RFX3: variants seen among roughly 807,000 people sequenced by gnomAD.
RFX3 encodes the protein regulatory factor X3.
RFX3 carries 14 observed loss-of-function variants against 98.6 expected under a neutral mutation model. That is an observed-to-expected ratio of 0.14 (90% CI 0.09 to 0.22). The LOEUF is 0.22. Among genes scored for constraint, RFX3 ranks in the 10% least tolerant of loss-of-function variants. The pLI is 1.00. For synonymous variants in RFX3, 383 were observed against 328.4 expected (o/e 1.17, Z -1.80); for missense variants, 639 against 926.9 (o/e 0.69, Z 4.03).
At chr9:3,373,734 G>C (rs1838112641) in intron 2 of RFX3, among the ~76,000 whole-genome samples, 1 of 152,060 alleles carries the variant, frequency 6.6e-6, no homozygotes, top group Non-Finnish European at 1.5e-5. Context: ...AGGAGGAGGA[G>C]AAGGCGAAAG....
Position 3,453,142 on chromosome 9 carries a change from T to C in RFX3, c.-8-57546A>G, listed in dbSNP as rs188168913. 2.0e-5 allele frequency among the ~76,000 whole-genome samples: 3 copies of C among 152,156 alleles called. No individual in the cohort carries two copies. In the East Asian group the frequency reaches 5.8e-4, roughly 30 times the overall value. ...ATTTCTTAGCCTAGTGACAGGCCCA[T>C]CTATTATGGTCATTATCAGTATAAA... On this transcript the variant is annotated intron_variant, in intron 1 of 16. Transcript: ENST00000617270.
intron 1 of RFX3, among the ~76,000 whole-genome samples, chr9:3,504,952 A>T (rs1165862554): frequency 1.4e-5 from 1 of 69,608 alleles, no homozygotes; most frequent in Non-Finnish European, 2.2e-5. Flanking sequence ...ATAATATAAT[A>T]TATATTATAT....
chr9:3,391,313 A>C (rs1006101477), intron 2 of RFX3, among the ~76,000 whole-genome samples: 1 of 152,116 alleles, frequency 6.6e-6, no homozygotes, highest in African/African-American at 2.4e-5. Flanking sequence ...CAAACATGAC[A>C]CTATTCTACT....
At chr9:3,500,644 A>T (rs1815897848) in intron 1 of RFX3, among the ~76,000 whole-genome samples, 1 of 152,198 alleles carries the variant, frequency 6.6e-6, no homozygotes, top group African/African-American at 2.4e-5. Flanking sequence ...CATAGGGCCT[A>T]ATGTATGAAA....
intron 1 of RFX3, among the ~76,000 whole-genome samples, chr9:3,501,393 C>A (rs1045266496): frequency 6.6e-6 from 1 of 151,416 alleles, no homozygotes; most frequent in Non-Finnish European, 1.5e-5. Flanking sequence ...CATGTATTAC[C>A]AAGTATAAAA....
At chr9:3,444,033 C>A (rs1016715839) in intron 1 of RFX3, among the ~76,000 whole-genome samples, 17 of 152,286 alleles carry the variant, frequency 1.1e-4, no homozygotes, top group African/African-American at 3.6e-4. Flanking sequence ...AATTGAAATA[C>A]ATACCTACCA....
At chr9:3,472,165 T>C (rs1007762029) in intron 1 of RFX3, among the ~76,000 whole-genome samples, 7 of 152,230 alleles carry the variant, frequency 4.6e-5, no homozygotes, top group African/African-American at 1.7e-4. Context: ...AGTTATTGAA[T>C]GTTATCTCTG....
At chr9:3,475,779 G>C (rs546529500) in intron 1 of RFX3, among the ~76,000 whole-genome samples, 9 of 152,326 alleles carry the variant, frequency 5.9e-5, no homozygotes, top group Admixed American at 2.6e-4. Context: ...CCAGATAACT[G>C]TGGGCAGGCT....
intron 2 of RFX3, among the ~76,000 whole-genome samples, chr9:3,383,906 A>C (rs1839444561): frequency 1.3e-5 from 2 of 152,182 alleles, no homozygotes; most frequent in Admixed American, 1.3e-4. Context: ...TCTATTTCTA[A>C]AATCAGCCCT....
At chr9:3,367,990 T>C (rs1837401288) in intron 2 of RFX3, among the ~76,000 whole-genome samples, 2 of 152,224 alleles carry the variant, frequency 1.3e-5, no homozygotes. Context: ...GCTATTTCAG[T>C]ATTTTAGCTA....
chr9:3,361,797 A>G (rs1836492244), intron 2 of RFX3, among the ~76,000 whole-genome samples: 2 of 152,128 alleles, frequency 1.3e-5, no homozygotes, highest in African/African-American at 2.4e-5. Flanking sequence ...AAAATAAAAA[A>G]TTAGCTGGAC....
At chr9:3,379,774 G>A (rs1475131602) in intron 2 of RFX3, among the ~76,000 whole-genome samples, 2 of 152,192 alleles carry the variant, frequency 1.3e-5, no homozygotes, top group Non-Finnish European at 2.9e-5. Context: ...CAGAGTATGT[G>A]ACATACAGAT....
At chr9:3,324,721 G>A (rs1403220636) in intron 4 of RFX3, among the ~76,000 whole-genome samples, 1 of 152,136 alleles carries the variant, frequency 6.6e-6, no homozygotes, top group Non-Finnish European at 1.5e-5. Flanking sequence ...CCAGCACTTT[G>A]GGAGGCTGAG....
chr9:3,311,053 C>G lies in RFX3; in HGVS notation c.475-9433G>C, dbSNP rs577970243. Among the ~76,000 whole-genome samples the G allele has an allele frequency of 6.6e-5, 10 of 152,188 alleles. No homozygotes were observed. In the South Asian group the frequency reaches 8.3e-4, roughly 13 times the overall value. Reference sequence around the variant, plus strand: ...AAATTTTAATTATAAAAACAGTTACCTAATGTATAACAATTGCATTTTCTT... The same window carrying G: ...AAATTTTAATTATAAAAACAGTTACGTAATGTATAACAATTGCATTTTCTT... On this transcript the variant is annotated intron_variant, in intron 4 of 16. Transcript: ENST00000617270.
chr9:3,434,056 T>C lies in RFX3; in HGVS notation c.-8-38460A>G, dbSNP rs547521721. 3.9e-5 allele frequency among the ~76,000 whole-genome samples: 6 copies of C among 152,284 alleles called. No individual in the cohort carries two copies. In the South Asian group the frequency reaches 1.0e-3, roughly 26 times the overall value. On this transcript the variant is annotated intron_variant, in intron 1 of 16. Transcript: ENST00000617270. ...TCATGTGAAATCTCAATGGAGATTC[T>C]GATTCTGTACATCTGGGTGGGGCCT...
intron 9 of RFX3, among the ~76,000 whole-genome samples, chr9:3,273,737 T>C (rs1466727241): frequency 2.0e-5 from 3 of 151,722 alleles, no homozygotes; most frequent in Non-Finnish European, 4.4e-5. Context: ...TGGTGGTGCA[T>C]GCCTGTAATT....
At chr9:3,448,293 A>G (rs1403430052) in intron 1 of RFX3, among the ~76,000 whole-genome samples, 4 of 152,146 alleles carry the variant, frequency 2.6e-5, no homozygotes, top group Non-Finnish European at 4.4e-5. Context: ...GATCCTTTCC[A>G]AAAAAGGAGA....
At chr9:3,355,277 T>C (rs1254405501) in intron 2 of RFX3, among the ~76,000 whole-genome samples, 1 of 151,738 alleles carries the variant, frequency 6.6e-6, no homozygotes, top group African/African-American at 2.4e-5. Flanking sequence ...TCAGAGTGGG[T>C]AAAAATGGGT....
At chr9:3,482,177 TA>T (rs1440206646) in intron 1 of RFX3, among the ~76,000 whole-genome samples, 14 of 151,830 alleles carry the variant, frequency 9.2e-5, no homozygotes, top group African/African-American at 2.9e-4. Context: ...CTAATAAAGA[TA>T]CAAAATTTTA....
Sources: allele counts gnomAD v4.1 joint callset (sites outside exome capture counted in the v4.1 genomes callset), GRCh38; gene constraint gnomAD v4.1.1; transcripts MANE v1.5; gene names NCBI Gene and HGNC (gene_info 2026-07-23, HGNC 2026-07-21).